The following ANKS1B variants were observed in gnomAD, a reference collection of about 807,000 sequenced individuals.
ANKS1B encodes the protein ankyrin repeat and sterile alpha motif domain containing 1B, also known as ankyrin repeat and sterile alpha motif domain-containing protein 1B.
Under a neutral mutation model 148.3 loss-of-function variants are expected in ANKS1B, and 36 were observed. The ratio of observed to expected loss-of-function variants is 0.24; its 90% CI spans 0.19 to 0.32. ANKS1B has a LOEUF of 0.32. Among genes scored for constraint, ANKS1B ranks in the 10% least tolerant of loss-of-function variants. The pLI is 1.00. For synonymous variants in ANKS1B, 542 were observed against 560.8 expected, an observed-to-expected ratio of 0.97 and a Z score of 0.47; for missense variants, 1,157 against 1,542.6, an observed-to-expected ratio of 0.75 and a Z score of 4.19.
intron 17 of ANKS1B, among the ~76,000 whole-genome samples, chr12:99,011,839 A>T (rs2099939612): frequency 6.6e-6 from 1 of 152,226 alleles, no homozygotes; most frequent in African/African-American, 2.4e-5. Context: ...GAAATATGTA[A>T]ATACTACAAA....
chr12:99,136,566 A>T (rs2068137989), intron 15 of ANKS1B, among the ~76,000 whole-genome samples: 1 of 152,152 alleles, frequency 6.6e-6, no homozygotes, highest in Admixed American at 6.5e-5. Flanking sequence ...TAGGAGAGAG[A>T]AGAGATGATA....
chr12:99,318,464 T>C (rs528478406), intron 12 of ANKS1B, among the ~76,000 whole-genome samples: 26 of 152,320 alleles, frequency 1.7e-4, no homozygotes, highest in African/African-American at 5.5e-4. Flanking sequence ...GAGGTGTTTA[T>C]AGTGTTCTTT....
At chr12:99,607,802 A>G (rs2097862049) in intron 9 of ANKS1B, among the ~76,000 whole-genome samples, 1 of 152,128 alleles carries the variant, frequency 6.6e-6, no homozygotes, top group Non-Finnish European at 1.5e-5. Flanking sequence ...TAGAGAAGTC[A>G]GGATAGGAAA....
At chr12:99,138,094 A>C (rs2068768899) in intron 15 of ANKS1B, among the ~76,000 whole-genome samples, 1 of 152,220 alleles carries the variant, frequency 6.6e-6, no homozygotes, top group Non-Finnish European at 1.5e-5. Context: ...AAGCCCTAGC[A>C]TAACATCTGG....
chr12:99,242,428 T>C (rs1401268598), intron 14 of ANKS1B, among the ~76,000 whole-genome samples: 1 of 152,196 alleles, frequency 6.6e-6, no homozygotes, highest in East Asian at 1.9e-4. Context: ...TCCATGCTCA[T>C]GGATAAGAAG....
intron 9 of ANKS1B, among the ~76,000 whole-genome samples, chr12:99,607,455 A>T (rs977188757): frequency 1.3e-5 from 2 of 152,080 alleles, no homozygotes; most frequent in African/African-American, 4.8e-5. Context: ...GTTGGATTTA[A>T]AGTATTATGA....
chr12:99,570,474 C>T (rs184906369), intron 9 of ANKS1B, among the ~76,000 whole-genome samples: 1 of 151,994 alleles, frequency 6.6e-6, no homozygotes, highest in East Asian at 1.9e-4. Context: ...GGTGAAACCC[C>T]GTCTCTACTA....
intron 17 of ANKS1B, among the ~76,000 whole-genome samples, chr12:98,991,658 C>G (rs2099926652): frequency 6.6e-6 from 1 of 152,220 alleles, no homozygotes; most frequent in Non-Finnish European, 1.5e-5. Context: ...ATGTTCACAA[C>G]TACCCTACGA....
At chr12:98,812,788 GGTGGTC>G (rs1471352057) in intron 19 of ANKS1B, among the ~76,000 whole-genome samples, 1 of 152,078 alleles carries the variant, frequency 6.6e-6, no homozygotes, top group Non-Finnish European at 1.5e-5. Context: ...TGCCCAGGCT[GGTGGTC>G]TCAAACGCCT....
intron 12 of ANKS1B, among the ~76,000 whole-genome samples, chr12:99,340,969 C>T (rs753205388): frequency 9.2e-5 from 14 of 152,050 alleles, no homozygotes; most frequent in African/African-American, 2.2e-4. Flanking sequence ...GCAACTTAAT[C>T]GAGCGCACTT....
At chr12:99,316,083 G>A (rs1182610310) in intron 12 of ANKS1B, among the ~76,000 whole-genome samples, 1 of 152,126 alleles carries the variant, frequency 6.6e-6, no homozygotes, top group African/African-American at 2.4e-5. Flanking sequence ...ATGGACATTG[G>A]GGTTGGTTCC....
chr12:99,906,943 A>T (rs1422226435), intron 1 of ANKS1B, among the ~76,000 whole-genome samples: 1 of 152,246 alleles, frequency 6.6e-6, no homozygotes, highest in Non-Finnish European at 1.5e-5. Context: ...CCATATTATA[A>T]CAAAGATACA....
At chr12:99,373,275 A>G (rs1390888597) in intron 12 of ANKS1B, among the ~76,000 whole-genome samples, 1 of 152,184 alleles carries the variant, frequency 6.6e-6, no homozygotes, top group African/African-American at 2.4e-5. Context: ...AGATGCATCA[A>G]GAGGTATCGT....
chr12:99,735,056 C>G (rs1003218244), intron 8 of ANKS1B, among the ~76,000 whole-genome samples: 2 of 152,098 alleles, frequency 1.3e-5, no homozygotes, highest in African/African-American at 4.8e-5. Context: ...CTCTTAACAT[C>G]TCCAATATTA....
rs910756858 is a variant in ANKS1B, at chr12:99,962,894, G to A, written c.134+21210C>T. Among the ~76,000 whole-genome samples, 8 of 145,938 alleles carry A rather than the reference G, an allele frequency of 5.5e-5. No individual in the cohort carries two copies. The East Asian group carries it at 1.1e-3, about 19-fold the overall frequency. Reference sequence around the variant, plus strand: ...AGTGGCATGATCTCGGCTCACTGCCGGCTCCGCCTCCCGGGCTCACGCCAT... The same window carrying A: ...AGTGGCATGATCTCGGCTCACTGCCAGCTCCGCCTCCCGGGCTCACGCCAT... On this transcript the variant is annotated intron_variant, in intron 1 of 26. Coordinates refer to ENST00000683438, the MANE Select transcript of ANKS1B (RefSeq NM_001352186.2).
intron 1 of ANKS1B, among the ~76,000 whole-genome samples, chr12:99,968,269 G>A (rs972500881): frequency 6.6e-6 from 1 of 152,008 alleles, no homozygotes; most frequent in African/African-American, 2.4e-5. Context: ...CATAAATGAG[G>A]GCTGTGGGCT....
At chr12:99,374,119 A>G (rs2093279966) in intron 12 of ANKS1B, among the ~76,000 whole-genome samples, 1 of 152,180 alleles carries the variant, frequency 6.6e-6, no homozygotes, top group African/African-American at 2.4e-5. Flanking sequence ...GAGACTTTTT[A>G]TTGGAATAAC....
chr12:98,786,341 A>C (rs2098794687), intron 22 of ANKS1B, among the ~76,000 whole-genome samples: 1 of 152,206 alleles, frequency 6.6e-6, no homozygotes, highest in Non-Finnish European at 1.5e-5. Context: ...ATAACCATTA[A>C]ACAGAAACAG....
At chr12:99,469,205 C>A (rs1286221125) in intron 10 of ANKS1B, among the ~76,000 whole-genome samples, 3 of 149,856 alleles carry the variant, frequency 2.0e-5, no homozygotes, top group African/African-American at 7.4e-5. Context: ...AAACCAAACA[C>A]CACATGTTCT....
Sources: allele counts gnomAD v4.1 joint callset (sites outside exome capture counted in the v4.1 genomes callset), GRCh38; gene constraint gnomAD v4.1.1; transcripts MANE v1.5; gene names NCBI Gene and HGNC (gene_info 2026-07-23, HGNC 2026-07-21).